EDIL3: variants seen among roughly 807,000 people sequenced by gnomAD.
EDIL3 encodes EGF-like repeat and discoidin I-like domain-containing protein 3.
EDIL3 carries 37 observed loss-of-function variants against 67.4 expected under a neutral mutation model. The ratio of observed to expected loss-of-function variants is 0.55; its 90% CI spans 0.42 to 0.72. The LOEUF is 0.72. Ranked by LOEUF, EDIL3 falls within the 30% of genes least tolerant of loss-of-function variation. EDIL3 has a pLI of 0.00. For missense variants in EDIL3, 527 were observed against 586.3 expected (o/e 0.90, Z 1.04); for synonymous variants, 195 against 196.3 (o/e 0.99, Z 0.05).
intron 6 of EDIL3, among the ~76,000 whole-genome samples, chr5:84,085,124 G>T (rs1747045322): frequency 6.6e-6 from 1 of 152,190 alleles, no homozygotes; most frequent in South Asian, 2.1e-4. Context: ...GTTAGAACAT[G>T]CTCCTTTAGC....
chr5:84,047,874 T>C (rs538917978), intron 9 of EDIL3: 1 of 152,388 alleles, frequency 6.6e-6, no homozygotes, highest in African/African-American at 2.4e-5. Context: ...CTTTCAATTT[T>C]GTTTTGTTTA....
chr5:84,363,897 A>T (rs1293740902), intron 1 of EDIL3, among the ~76,000 whole-genome samples: 3 of 152,212 alleles, frequency 2.0e-5, no homozygotes, highest in Non-Finnish European at 4.4e-5. Flanking sequence ...ATATATAAGC[A>T]TTGTTCATAT....
chr5:84,341,238 A>G (rs1369405394), intron 1 of EDIL3, among the ~76,000 whole-genome samples: 1 of 152,008 alleles, frequency 6.6e-6, no homozygotes. Context: ...CATCCTCAAT[A>G]TTTTGCAAAT....
intron 1 of EDIL3, among the ~76,000 whole-genome samples, chr5:84,287,019 C>T (rs969664429): frequency 6.6e-6 from 1 of 152,146 alleles, no homozygotes; most frequent in Non-Finnish European, 1.5e-5. Flanking sequence ...TAAAAACAAT[C>T]CTCTACCTGA....
At chr5:84,302,860 A>T (rs1746187279) in intron 1 of EDIL3, among the ~76,000 whole-genome samples, 1 of 152,250 alleles carries the variant, frequency 6.6e-6, no homozygotes, top group Non-Finnish European at 1.5e-5. Context: ...GAAGACTGAG[A>T]TCATCTAGCA....
At chr5:83,989,239 G>A (rs1338039247) in intron 9 of EDIL3, among the ~76,000 whole-genome samples, 2 of 152,062 alleles carry the variant, frequency 1.3e-5, no homozygotes, top group Non-Finnish European at 2.9e-5. Context: ...CTCCCTATCT[G>A]CTCTTCCATG....
intron 9 of EDIL3, among the ~76,000 whole-genome samples, chr5:83,992,210 AC>A (rs532026976): frequency 3.5e-4 from 53 of 152,336 alleles, no homozygotes; most frequent in African/African-American, 1.2e-3. Flanking sequence ...TTAAAGGTAG[AC>A]AGTGTAACTC....
intron 9 of EDIL3, among the ~76,000 whole-genome samples, chr5:84,015,168 G>C (rs915966400): frequency 2.6e-5 from 4 of 152,182 alleles, no homozygotes; most frequent in African/African-American, 9.6e-5. Context: ...AAACATAGCT[G>C]TCTGGGAAGT....
chr5:84,248,865 T>A (rs1361905206), intron 2 of EDIL3, among the ~76,000 whole-genome samples: 1 of 152,208 alleles, frequency 6.6e-6, no homozygotes, highest in Admixed American at 6.5e-5. Flanking sequence ...AGTTACCACA[T>A]TGACAGAAGC....
At chr5:84,236,261 T>A (rs1199723365) in intron 2 of EDIL3, among the ~76,000 whole-genome samples, 3 of 152,114 alleles carry the variant, frequency 2.0e-5, no homozygotes, top group African/African-American at 7.2e-5. Context: ...TGGAAAGTAA[T>A]ATGACTCAAA....
At chr5:84,058,245 A>C (rs1490592792) in intron 9 of EDIL3, among the ~76,000 whole-genome samples, 1 of 152,044 alleles carries the variant, frequency 6.6e-6, no homozygotes, top group African/African-American at 2.4e-5. Flanking sequence ...TCATGCAAAA[A>C]ACTCTTAGGT....
At chr5:84,259,126 AT>A (rs1279564228) in intron 1 of EDIL3, among the ~76,000 whole-genome samples, 3 of 151,608 alleles carry the variant, frequency 2.0e-5, no homozygotes, top group African/African-American at 7.3e-5. Context: ...TGCCCAGCTA[AT>A]TTTCTGTATT....
chr5:84,085,107 CAT>C (rs931689593), intron 6 of EDIL3, among the ~76,000 whole-genome samples: 15 of 152,246 alleles, frequency 9.9e-5, no homozygotes, highest in South Asian at 6.2e-4. Context: ...AACATACAAA[CAT>C]GTGGGTTAGA....
chr5:84,353,627 T>A (rs1354500836), intron 1 of EDIL3, among the ~76,000 whole-genome samples: 1 of 152,202 alleles, frequency 6.6e-6, no homozygotes, highest in Non-Finnish European at 1.5e-5. Context: ...AATAATTGAT[T>A]GCTTGAAGAG....
chr5:84,208,445 C>T (rs970132571), intron 3 of EDIL3, among the ~76,000 whole-genome samples: 11 of 151,142 alleles, frequency 7.3e-5, no homozygotes, highest in East Asian at 3.9e-4. Flanking sequence ...TTTGGGAGGC[C>T]GAGGCGGGTG....
intron 2 of EDIL3, among the ~76,000 whole-genome samples, chr5:84,249,563 T>C (rs1464373717): frequency 6.6e-6 from 1 of 152,186 alleles, no homozygotes; most frequent in Admixed American, 6.5e-5. Context: ...TAACTATTAC[T>C]TAGTAAACAC....
In EDIL3 at chr5:84,288,634, CTGTT is replaced by C. The variant is rs536153991; in HGVS notation, c.68-34426_68-34423del. Among the ~76,000 whole-genome samples, 10 of 152,204 alleles carry C rather than the reference CTGTT, an allele frequency of 6.6e-5. No individual in the cohort carries two copies. In the South Asian group the frequency reaches 2.1e-3, roughly 32 times the overall value. ...GATATTTCCATCTAAACACTTTCCT[CTGTT>C]TGGAATGCTTTTGCTCCAAGCAAGA... On this transcript the variant is annotated intron_variant, in intron 1 of 10. Transcript: ENST00000296591.
At chr5:84,089,593 T>A (rs1747128496) in intron 6 of EDIL3, among the ~76,000 whole-genome samples, 1 of 152,166 alleles carries the variant, frequency 6.6e-6, no homozygotes, top group African/African-American at 2.4e-5. Flanking sequence ...AGGCATTGTG[T>A]TAGGTATTCA....
chr5:84,020,687 G>T (rs1436745969), intron 9 of EDIL3, among the ~76,000 whole-genome samples: 1 of 151,880 alleles, frequency 6.6e-6, no homozygotes, highest in Non-Finnish European at 1.5e-5. Context: ...TACATAGCAA[G>T]CTGTTCCTCC....
Sources: gnomAD v4.1 joint callset for allele counts (sites outside exome capture counted in the v4.1 genomes callset) on GRCh38, gnomAD v4.1.1 for gene constraint, MANE v1.5 for transcripts, NCBI Gene and HGNC (gene_info 2026-07-23, HGNC 2026-07-21) for gene names.